The following HIPK1 variants were observed in gnomAD, a reference collection of about 807,000 sequenced individuals.
HIPK1 encodes homeodomain interacting protein kinase 1.
In HIPK1, 28 loss-of-function variants were observed where a neutral mutation model predicts 117.1. The ratio of observed to expected loss-of-function variants is 0.24; its 90% confidence interval spans 0.18 to 0.33. The LOEUF is 0.33. HIPK1 is among the 10% of genes least tolerant of loss of function. The pLI, the probability that HIPK1 is intolerant of heterozygous loss-of-function variation, is 1.00. For synonymous variants in HIPK1, 605 were observed against 562.5 expected, an observed-to-expected ratio of 1.08 and a Z score of -1.07; for missense variants, 1,122 against 1,475.1, an observed-to-expected ratio of 0.76 and a Z score of 3.92.
In HIPK1 at chr1:113,938,965, T is replaced by TACACACACACACACACACACACAC. The variant is rs1558126082; in HGVS notation, c.-2-1416_-2-1415insCACACACACACACACACACACACA. ...ACACACACACACACACACACACACT[T>TACACACACACACACACACACACAC]AGGAGATGGAATGGATAAGATAGAG... On this transcript the variant is annotated intron_variant, in intron 1 of 15. Transcript: ENST00000426820. 2.7e-5 allele frequency among the ~76,000 whole-genome samples: 3 copies of TACACACACACACACACACACACAC among 109,282 alleles called. No homozygotes were observed. The East Asian group carries it at 7.1e-4, about 26-fold the overall frequency. The allele number at this position is 109,282 out of a possible 152,430, so 71.7% of individuals were successfully genotyped here. A position where few individuals can be genotyped will look rare whatever the true frequency, so the allele number is the denominator to read the frequency against.
chr1:113,947,733 C>G (rs1671079279), intron 2 of HIPK1, among the ~76,000 whole-genome samples: 1 of 152,180 alleles, frequency 6.6e-6, no homozygotes, highest in Non-Finnish European at 1.5e-5. Flanking sequence ...TATCACTTAG[C>G]TGTAATAACC....
At position 113,953,354 on chromosome 1, in the gene HIPK1, A is replaced by T. The variant is rs558812689; in HGVS notation, c.1200+465A>T. On this transcript the variant is annotated intron_variant, in intron 3 of 15. Transcript: ENST00000426820. ...TGACATACTGGGTCGCTAAGATAGG[A>T]TTTAGAAAGGAAATCATCTGAGTTG... is the stretch of plus-strand genomic sequence containing the variant. Among the ~76,000 whole-genome samples the T allele has an allele frequency of 2.0e-5, 3 of 152,310 alleles. No individual in the cohort carries two copies. The East Asian group carries it at 5.8e-4, about 29-fold the overall frequency.
At chr1:113,956,582 C>A (rs41283524) in intron 5 of HIPK1, 45 bp from the exon 6 acceptor site, 659 of 1,475,258 alleles carry the variant, frequency 4.5e-4, no homozygotes, top group Non-Finnish European at 6.0e-4. Flanking sequence ...AGTGTCAGTG[C>A]CAAAGGTTAA....
chr1:113,929,997 T>C, intron 1 of HIPK1: 1 of 985,090 alleles, frequency 1.0e-6, no homozygotes, highest in Non-Finnish European at 1.2e-6. Context: ...CTCAGCTCCC[T>C]GAGGCGGGGC....
intron 2 of HIPK1, among the ~76,000 whole-genome samples, chr1:113,945,776 G>A (rs762182288): frequency 6.6e-6 from 1 of 152,176 alleles, no homozygotes; most frequent in African/African-American, 2.4e-5. Flanking sequence ...TTGAAATCAG[G>A]AAGTGTGAGA....
chr1:113,929,410 G>T lies in HIPK1; in HGVS notation c.-125G>T. ...AGTGCGGAGGGGGCGGGAAGTCCAG[G>T]CCCCGCACTCGATCCACGCTGGCTC... On this transcript the variant is annotated 5_prime_UTR_variant, in exon 1 of 16. Coordinates refer to ENST00000426820, the MANE Select transcript of HIPK1 (RefSeq NM_198268.3). 4 of 1,289,344 alleles carry T rather than the reference G, an allele frequency of 3.1e-6. No homozygotes were observed. The highest frequency in any genetic ancestry group is 4.0e-6 in the Non-Finnish European group (4 of 988,854). The allele number at this position is 1,289,344 out of a possible 1,614,324, so 79.9% of individuals were successfully genotyped here. A position where few individuals can be genotyped will look rare whatever the true frequency, so the allele number is the denominator to read the frequency against.
At chr1:113,956,854 G>T (rs1343071882) in intron 6 of HIPK1, 43 bp downstream of exon 6, 1 of 1,566,486 alleles carries the variant, frequency 6.4e-7, no homozygotes, top group Non-Finnish European at 8.8e-7. Context: ...GTGGTTCTTT[G>T]TTGAGTTACC....
In HIPK1 at chr1:113,956,729, G is replaced by A; in HGVS notation, c.1510G>A (p.Asp504Asn). Reference protein sequence around the residue: ...LLKKMLTIDADKRITPLKTLN... With the variant: ...LLKKMLTIDANKRITPLKTLN... Reference sequence around the variant, plus strand: ...AAAGAAAATGCTCACAATTGATGCAGATAAGAGAATTACCCCTCTAAAAAC... The same window carrying A: ...AAAGAAAATGCTCACAATTGATGCAAATAAGAGAATTACCCCTCTAAAAAC... Residue 504 changes from aspartate to asparagine, a missense_variant, in exon 6 of 16, where the codon GAT becomes AAT. Physicochemically the swap from Asp to Asn is conservative, Grantham distance 23. Around this residue, in one of 6 missense-constraint regions of HIPK1, gnomAD observed 127 missense variants for 197.9 expected, o/e 0.64. Transcript: ENST00000426820. The A allele has an allele frequency of 6.2e-7, 1 of 1,613,988 alleles. No homozygotes were observed. The highest frequency in any genetic ancestry group is 8.5e-7 in the Non-Finnish European group (1 of 1,179,870).
intron 1 of HIPK1, among the ~76,000 whole-genome samples, chr1:113,938,927 A>ATAAACACAC: frequency 8.4e-6 from 1 of 118,422 alleles, no homozygotes; most frequent in South Asian, 2.7e-4. Context: ...AAAAAAAAAA[A>ATAAACACAC]ATACACACAC....
chr1:113,969,862 A>G, intron 13 of HIPK1, 94 bp from the exon 14 acceptor site: 2 of 1,382,716 alleles, frequency 1.4e-6, no homozygotes, highest in East Asian at 2.3e-5. Flanking sequence ...AGCTGTGATC[A>G]CTCCACTGCA....
At position 113,974,118 on chromosome 1, in the gene HIPK1, A is replaced by G. The variant is rs1042631244; in HGVS notation, c.*606A>G. 1 of 152,300 alleles carries G rather than the reference A, an allele frequency of 6.6e-6. No homozygotes were observed. Among genetic ancestry groups the G allele is most frequent in the Non-Finnish European group, 1.5e-5 (1 of 68,026 alleles). 9.4% of individuals were successfully genotyped at this position (152,300 alleles called of 1,614,324 possible). A position where few individuals can be genotyped will look rare whatever the true frequency, so the allele number is the denominator to read the frequency against. ...AATGTCATATTATACTTAATGGGCA[A>G]TTGTTATTTTTGCAAAACTGGTTAC... is the stretch of plus-strand genomic sequence containing the variant. On this transcript the variant is annotated 3_prime_UTR_variant, in exon 16 of 16. Transcript: ENST00000426820.
At position 113,940,927 on chromosome 1, in the gene HIPK1, A is replaced by C. The variant is rs1670606691; in HGVS notation, c.544A>C (p.Ile182Leu). The change falls in exon 2 of 16, where the codon ATC becomes CTC. Residue 182 changes from isoleucine to leucine, a missense_variant. Physicochemically the swap from Ile to Leu is conservative, Grantham distance 5. This residue lies in a region of HIPK1 where 192 missense variants were observed against 234.0 expected (regional missense o/e 0.82). Transcript: ENST00000426820. The stretch of plus-strand genomic sequence containing the variant: ...GGATTACCAGCTGGTCCAGCATGAG[A>C]TCCTTTGCTCTATGACCAATAGCTA... ...EGDYQLVQHE[I>L]LCSMTNSYEV... 1 of 1,614,110 alleles carries C rather than the reference A, an allele frequency of 6.2e-7. No homozygotes were observed. Among genetic ancestry groups the C allele is most frequent in the African/African-American group, 1.3e-5 (1 of 75,014 alleles).
intron 1 of HIPK1, among the ~76,000 whole-genome samples, chr1:113,931,779 G>T (rs1199887945): frequency 6.6e-6 from 1 of 152,148 alleles, no homozygotes; most frequent in Non-Finnish European, 1.5e-5. Context: ...GCCTTGTAAA[G>T]TTCTTACACT....
At chr1:113,929,894 CCTCACGGCAGCCCCAG>C in intron 1 of HIPK1, 1 of 986,686 alleles carries the variant, frequency 1.0e-6, no homozygotes, top group Non-Finnish European at 1.2e-6. Context: ...TCCGCCGCCT[CCTCACGGCAGCCCCAG>C]CTCGCGGCTG....
chr1:113,944,699 C>T (rs542805117), intron 2 of HIPK1, among the ~76,000 whole-genome samples: 187 of 151,058 alleles, frequency 1.2e-3, no homozygotes, highest in Middle Eastern at 3.5e-3. Flanking sequence ...GGGATGGTCT[C>T]GATCTCTTGA....
chr1:113,958,833 G>A (rs1266594965), intron 8 of HIPK1, among the ~76,000 whole-genome samples: 2 of 152,154 alleles, frequency 1.3e-5, no homozygotes, highest in Admixed American at 6.5e-5. Flanking sequence ...CTTGTGTGGG[G>A]CAGGCATTAA....
intron 8 of HIPK1, among the ~76,000 whole-genome samples, chr1:113,961,917 TG>T (rs1159547228): frequency 2.5e-5 from 3 of 119,298 alleles, no homozygotes; most frequent in Non-Finnish European, 4.7e-5. Context: ...CACTCCAGCC[TG>T]GGTGACAGAG....
chr1:113,929,443 A>C lies in HIPK1; in HGVS notation c.-92A>C. 1 of 1,289,262 alleles carries C rather than the reference A, an allele frequency of 7.8e-7. No individual in the cohort carries two copies. Among genetic ancestry groups the C allele is most frequent in the South Asian group, 1.2e-5 (1 of 81,016 alleles). 79.9% of individuals were successfully genotyped at this position (1,289,262 alleles called of 1,614,324 possible). A position where few individuals can be genotyped will look rare whatever the true frequency, so the allele number is the denominator to read the frequency against. ...CTCGATCCACGCTGGCTCCCTACGG[A>C]GGCCCACCTACTCGAGGCCCACCGA... On this transcript the variant is annotated 5_prime_UTR_variant, in exon 1 of 16. Coordinates refer to ENST00000426820, the MANE Select transcript of HIPK1 (RefSeq NM_198268.3).
chr1:113,970,724 T>C (rs1294604064), intron 14 of HIPK1, among the ~76,000 whole-genome samples: 2 of 152,232 alleles, frequency 1.3e-5, no homozygotes, highest in East Asian at 3.8e-4. Context: ...GTTTAGTTAT[T>C]GTGTTAGTTG....
Sources: gnomAD v4.1 joint callset for allele counts (sites outside exome capture counted in the v4.1 genomes callset) on GRCh38, gnomAD v4.1.1 for gene constraint, gnomAD v4.1.1 regional missense constraint, MANE v1.5 for transcripts, NCBI Gene and HGNC (gene_info 2026-07-23, HGNC 2026-07-21) for gene names.